Variants in ERO1A observed in about 807,000 individuals in gnomAD.
ERO1A encodes ERO1-like protein alpha.
ERO1A carries 49 observed loss-of-function variants against 76.9 expected under a neutral mutation model. That is an observed-to-expected ratio of 0.64 (90% CI 0.51 to 0.81). The LOEUF is 0.81. Ranked by LOEUF, ERO1A falls within the 30% of genes least tolerant of loss-of-function variation. The pLI, the probability that ERO1A is intolerant of heterozygous loss-of-function variation, is 0.00. For synonymous variants in ERO1A, 174 were observed against 181.2 expected (o/e 0.96, Z 0.32); for missense variants, 448 against 542.1 (o/e 0.83, Z 1.72).
chr14:52,642,803 G>A lies in ERO1A; in HGVS notation c.*767C>T, dbSNP rs1020302776. The A allele has an allele frequency of 5.2e-5, 8 of 152,632 alleles. No individual in the cohort carries two copies. Among genetic ancestry groups the A allele is most frequent in the African/African-American group, 1.9e-4 (8 of 41,552 alleles). The allele number at this position is 152,632 out of a possible 1,614,324, so 9.5% of individuals were successfully genotyped here. A position where few individuals can be genotyped will look rare whatever the true frequency, so the allele number is the denominator to read the frequency against. ...CAAATTTTATTTAGTATTAGTGAAA[G>A]TATTATGAGAATAAATATATAATCT... On this transcript the variant is annotated 3_prime_UTR_variant, in exon 16 of 16. Transcript: ENST00000395686.
At chr14:52,690,996 A>G (rs1475310625) in intron 1 of ERO1A, among the ~76,000 whole-genome samples, 2 of 152,070 alleles carry the variant, frequency 1.3e-5, no homozygotes, top group African/African-American at 2.4e-5. Flanking sequence ...CGAACCCCCA[A>G]CCTCAGGTGA....
At chr14:52,670,965 A>G (rs2040578046) in intron 6 of ERO1A, among the ~76,000 whole-genome samples, 1 of 152,186 alleles carries the variant, frequency 6.6e-6, no homozygotes, top group African/African-American at 2.4e-5. Context: ...CTTTTCCAGC[A>G]CCTCAAACAG....
chr14:52,675,684 G>A (rs937197869), intron 4 of ERO1A, among the ~76,000 whole-genome samples: 18 of 152,168 alleles, frequency 1.2e-4, no homozygotes, highest in African/African-American at 3.9e-4. Context: ...TCCCAGGCTG[G>A]AGTACAGTGG....
chr14:52,681,438 C>T (rs533442184), intron 3 of ERO1A, among the ~76,000 whole-genome samples: 4 of 151,792 alleles, frequency 2.6e-5, no homozygotes, highest in African/African-American at 9.7e-5. Flanking sequence ...ACCCCATCTC[C>T]ACTAAAAATA....
intron 6 of ERO1A, among the ~76,000 whole-genome samples, chr14:52,666,880 G>A (rs924897658): frequency 3.9e-5 from 6 of 152,164 alleles, no homozygotes; most frequent in African/African-American, 1.4e-4. Context: ...GCAGTGAGCC[G>A]AGATTGCGCC....
chr14:52,686,039 C>A (rs951537813), intron 1 of ERO1A, among the ~76,000 whole-genome samples: 2 of 152,136 alleles, frequency 1.3e-5, no homozygotes, highest in Admixed American at 1.3e-4. Context: ...TGGTGAAGCC[C>A]CATCCCTACC....
chr14:52,683,234 C>G (rs2041060179), intron 2 of ERO1A, among the ~76,000 whole-genome samples: 1 of 151,970 alleles, frequency 6.6e-6, no homozygotes, highest in Non-Finnish European at 1.5e-5. Flanking sequence ...CAGACTGCCA[C>G]TAAATAGACC....
intron 1 of ERO1A, among the ~76,000 whole-genome samples, chr14:52,690,709 A>T (rs2041326841): frequency 6.6e-6 from 1 of 152,202 alleles, no homozygotes; most frequent in African/African-American, 2.4e-5. Context: ...TCAAAAGAAA[A>T]AAAAAGGATA....
intron 13 of ERO1A, chr14:52,647,142 A>G (rs2039694412): frequency 1.6e-5 from 1 of 62,174 alleles, no homozygotes; most frequent in South Asian, 8.5e-4. Flanking sequence ...CGCCCAGCTA[A>G]TTTTTTTTTT....
At position 52,681,870 on chromosome 14, in the gene ERO1A, G is replaced by C. The variant is rs182156022; in HGVS notation, c.318+455C>G. On this transcript the variant is annotated intron_variant, in intron 3 of 15. Coordinates refer to ENST00000395686, the MANE Select transcript of ERO1A (RefSeq NM_014584.3). Reference sequence around the variant, plus strand: ...TTTTATTATGCTATATATATAACTTGGTTCAGAAAAGATGTAAGAGGAAAA... The same window carrying C: ...TTTTATTATGCTATATATATAACTTCGTTCAGAAAAGATGTAAGAGGAAAA... Among the ~76,000 whole-genome samples the C allele has an allele frequency of 4.6e-3, 698 of 151,980 alleles. 3 individuals are homozygous for C. The highest frequency in any genetic ancestry group is 0.015 in the African/African-American group (617 of 41,430).
intron 3 of ERO1A, among the ~76,000 whole-genome samples, chr14:52,680,078 C>CAAAAAAAA (rs2040938000): frequency 5.1e-4 from 7 of 13,680 alleles, no homozygotes; most frequent in African/African-American, 2.8e-4. Context: ...GCAAAAAACA[C>CAAAAAAAA]AAACAAAAAA....
At chr14:52,665,661 C>T (rs2040388890) in intron 7 of ERO1A, among the ~76,000 whole-genome samples, 1 of 152,146 alleles carries the variant, frequency 6.6e-6, no homozygotes, top group African/African-American at 2.4e-5. Context: ...AAGTTTAGCA[C>T]CTCAAGACTT....
At chr14:52,645,665 T>C (rs2039624478) in intron 15 of ERO1A, among the ~76,000 whole-genome samples, 1 of 152,078 alleles carries the variant, frequency 6.6e-6, no homozygotes, top group Non-Finnish European at 1.5e-5. Context: ...ATACTGGAGG[T>C]ATTTCATAAT....
intron 13 of ERO1A, among the ~76,000 whole-genome samples, chr14:52,651,736 T>C (rs1473346799): frequency 4.6e-5 from 7 of 152,200 alleles, no homozygotes; most frequent in East Asian, 1.9e-4. Flanking sequence ...CAATATGAAG[T>C]GATTAAATCA....
chr14:52,643,875 C>T (rs983400279), intron 15 of ERO1A, among the ~76,000 whole-genome samples: 1 of 151,870 alleles, frequency 6.6e-6, no homozygotes, highest in East Asian at 1.9e-4. Context: ...CAGTGATTCA[C>T]TCCTGTAATC....
chr14:52,668,776 CTATAATTATAAT>C (rs202109507), intron 6 of ERO1A, among the ~76,000 whole-genome samples: 4 of 147,784 alleles, frequency 2.7e-5, no homozygotes, highest in African/African-American at 9.8e-5. Flanking sequence ...TATAATTATA[CTATAATTATAAT>C]TATAATTATA....
At chr14:52,662,251 T>C (rs1407040605) in intron 8 of ERO1A, among the ~76,000 whole-genome samples, 1 of 152,176 alleles carries the variant, frequency 6.6e-6, no homozygotes, top group African/African-American at 2.4e-5. Context: ...TGTGAGATCA[T>C]AATGATCACC....
chr14:52,693,708 T>C (rs535582027), intron 1 of ERO1A, among the ~76,000 whole-genome samples: 1 of 151,866 alleles, frequency 6.6e-6, no homozygotes, highest in East Asian at 1.9e-4. Context: ...ATGTTGCCCG[T>C]GCTGGTCTTG....
At chr14:52,663,728 C>T in intron 8 of ERO1A, 73 bp downstream of exon 8, 1 of 889,034 alleles carries the variant, frequency 1.1e-6, no homozygotes, top group Non-Finnish European at 1.9e-6. Context: ...TGTCATTTAT[C>T]TTGCCTTCCC....
Sources: gnomAD v4.1 joint callset for allele counts (sites outside exome capture counted in the v4.1 genomes callset) on GRCh38, gnomAD v4.1.1 for gene constraint, MANE v1.5 for transcripts, NCBI Gene and HGNC (gene_info 2026-07-23, HGNC 2026-07-21) for gene names.